The following ZNF274 variants were observed in gnomAD, a reference collection of about 807,000 sequenced individuals.
ZNF274 encodes the protein zinc finger protein 274, also known as neurotrophin receptor-interacting factor homolog.
In ZNF274, 23 loss-of-function variants were observed where a neutral mutation model predicts 42.5. The observed-to-expected ratio is 0.54, with a 90% CI of 0.39 to 0.77. ZNF274 has a LOEUF of 0.77. ZNF274 is among the 30% of genes least tolerant of loss of function. The pLI is 0.00. For missense variants in ZNF274, 679 were observed against 806.5 expected (o/e 0.84, Z 1.91); for synonymous variants, 292 against 305.4 (o/e 0.96, Z 0.46).
intron 4 of ZNF274, among the ~76,000 whole-genome samples, chr19:58,190,644 T>C (rs1176053988): frequency 1.3e-5 from 2 of 152,236 alleles, no homozygotes; most frequent in Non-Finnish European, 2.9e-5. Flanking sequence ...GTAGAAGTTT[T>C]GTAACGTGCT....
intron 2 of ZNF274, 37 bp downstream of exon 2, chr19:58,184,035 C>G: frequency 6.3e-7 from 1 of 1,576,922 alleles, no homozygotes; most frequent in Non-Finnish European, 8.6e-7. Flanking sequence ...GAGTCCGCTA[C>G]TGCACCTGGG....
intron 4 of ZNF274, among the ~76,000 whole-genome samples, chr19:58,191,631 G>C (rs887995456): frequency 5.9e-5 from 9 of 152,190 alleles, no homozygotes; most frequent in Non-Finnish European, 1.0e-4. Context: ...CACATCTTGG[G>C]AGAGCTGACT....
intron 4 of ZNF274, among the ~76,000 whole-genome samples, chr19:58,194,530 C>T (rs1464025072): frequency 1.3e-5 from 2 of 151,482 alleles, no homozygotes; most frequent in African/African-American, 4.9e-5. Context: ...AGGCACCTGC[C>T]ACCACACCTA....
intron 4 of ZNF274, among the ~76,000 whole-genome samples, chr19:58,206,155 T>G (rs912117963): frequency 6.6e-6 from 1 of 152,260 alleles, no homozygotes; most frequent in Non-Finnish European, 1.5e-5. Context: ...TTTTATATTC[T>G]GGACATTTCA....
intron 2 of ZNF274, among the ~76,000 whole-genome samples, chr19:58,185,127 A>G (rs981117205): frequency 2.0e-5 from 3 of 147,614 alleles, no homozygotes; most frequent in African/African-American, 7.5e-5. Context: ...CTCAAAAAAA[A>G]AAGAAAAGAA....
chr19:58,201,258 T>C (rs1342222947), intron 4 of ZNF274, among the ~76,000 whole-genome samples: 1 of 143,608 alleles, frequency 7.0e-6, no homozygotes, highest in Non-Finnish European at 1.5e-5. Flanking sequence ...GCGAACCACC[T>C]ACCTCAGCCT....
chr19:58,196,287 ACGG>A (rs2075841040), intron 4 of ZNF274, among the ~76,000 whole-genome samples: 1 of 152,238 alleles, frequency 6.6e-6, no homozygotes, highest in Non-Finnish European at 1.5e-5. Flanking sequence ...GAGGCCAGGC[ACGG>A]CGGCTCATGC....
chr19:58,206,839 G>T lies in ZNF274; in HGVS notation c.376G>T (p.Ala126Ser), dbSNP rs746573897. ...CCAGGAGGTGGCTGGTCCCCGGAAT[G>T]CCCAGATCCAGGCCCTATATGCTGA... ...LNQEVAGPRN[A>S]QIQALYAEDG... Residue 126 changes from alanine to serine, a missense_variant, in exon 5 of 8, where the codon GCC becomes TCC. Around this residue, in one of 2 missense-constraint regions of ZNF274, gnomAD observed 223 missense variants for 216.4 expected, o/e 1.03. Coordinates refer to ENST00000617501, the MANE Select transcript of ZNF274 (RefSeq NM_133502.3). 6.2e-7 allele frequency: 1 copy of T among 1,613,986 alleles called. No homozygotes were observed. Among genetic ancestry groups the T allele is most frequent in the South Asian group, 1.1e-5 (1 of 91,070 alleles).
chr19:58,207,184 T>G lies in ZNF274; in HGVS notation c.721T>G (p.Trp241Gly), dbSNP rs1348643334. 1.9e-6 allele frequency: 3 copies of G among 1,611,598 alleles called. No homozygotes were observed. In the South Asian group the frequency reaches 3.3e-5, roughly 18 times the overall value. ...GGTGGCCCTGGTAGAGGGTGTGACC[T>G]GGATGTCTGAGGAGGAAGGTAAGTA... ...EVVALVEGVT[W>G]MSEEEVLPAG... is the part of the protein sequence containing the mutation. Residue 241 changes from tryptophan to glycine, a missense_variant, in exon 5 of 8, where the codon TGG becomes GGG. By Grantham distance (184) the Trp-to-Gly change is radical (BLOSUM62 -2). Coordinates refer to ENST00000617501, the MANE Select transcript of ZNF274 (RefSeq NM_133502.3). This position sits in a 1 kb window ranked among gnomAD's most constrained non-coding sequence, Gnocchi z 5.6.
chr19:58,188,694 GTATATATATATATA>G (rs71925177), intron 4 of ZNF274, among the ~76,000 whole-genome samples: 30 of 74,658 alleles, frequency 4.0e-4, no homozygotes, highest in African/African-American at 8.1e-4. Flanking sequence ...ATATGTATAT[GTATATATATATATA>G]TATATATATA....
rs750555731 is a variant in ZNF274, at chr19:58,213,135, A to C, written c.1954A>C (p.Thr652Pro). ...NRTKRKKKQP[T>P]S ...GACAAAGCGAAAGAAGAAACAGCCTACCTCATAGCTCTCAAGCCAGTTGAA... is the reference window on the plus strand; with the variant it reads ...GACAAAGCGAAAGAAGAAACAGCCTCCCTCATAGCTCTCAAGCCAGTTGAA... The change falls in exon 8 of 8, where the codon ACC (threonine) becomes CCC (proline). Residue 652 changes from threonine to proline, a missense_variant. Physicochemically the swap from Thr to Pro is conservative, Grantham distance 38. Transcript: ENST00000617501. 1 of 1,607,404 alleles carries C rather than the reference A, an allele frequency of 6.2e-7. No homozygotes were observed. Among genetic ancestry groups the C allele is most frequent in the Non-Finnish European group, 8.5e-7 (1 of 1,175,820 alleles).
intron 4 of ZNF274, among the ~76,000 whole-genome samples, chr19:58,206,491 A>G (rs1310084787): frequency 1.3e-5 from 2 of 152,164 alleles, no homozygotes; most frequent in African/African-American, 2.4e-5. Flanking sequence ...GGATTTACCA[A>G]CCTGTTTTGC....
Position 58,186,999 on chromosome 19 carries a change from T to C in ZNF274, c.213T>C (p.Asp71=), listed in dbSNP as rs1229963884. The change falls in exon 4 of 8, where the codon GAT becomes GAC. Residue 71 remains aspartate, a synonymous_variant. Transcript: ENST00000617501. ...DVVSQLEEAE[D]FWPVERGIPQ... is the part of the protein sequence containing the mutation. ...TATCTCAGTTAGAGGAGGCAGAAGA[T>C]TTCTGGCCAGTGGAGAGAGGAATTC... The C allele has an allele frequency of 6.2e-7, 1 of 1,613,572 alleles. No individual in the cohort carries two copies. The highest frequency in any genetic ancestry group is 1.1e-5 in the South Asian group (1 of 90,920).
intron 1 of ZNF274, 27 bp from the exon 2 acceptor site, chr19:58,183,894 C>G: frequency 6.6e-7 from 1 of 1,508,826 alleles, no homozygotes; most frequent in Non-Finnish European, 9.0e-7. Flanking sequence ...AAGCCTCTCC[C>G]TCCCCTCCCA....
rs775224931 is a variant in ZNF274, at chr19:58,207,222, G to C, written c.739+20G>C. On this transcript the variant is annotated intron_variant, in intron 5 of 7. Coordinates refer to ENST00000617501, the MANE Select transcript of ZNF274 (RefSeq NM_133502.3). The surrounding 1 kb of genome is among the most constrained non-coding windows in gnomAD (Gnocchi z 5.6). ...AGGAAGGTAAGTAGAAGGGTGGGTA[G>C]AGGGACAGCTTAATGAGGGTGTCTT... 14 of 1,595,564 alleles carry C rather than the reference G, an allele frequency of 8.8e-6. No individual in the cohort carries two copies. The highest frequency in any genetic ancestry group is 1.2e-5 in the Non-Finnish European group (14 of 1,170,144).
chr19:58,186,847 C>A, intron 3 of ZNF274, 100 bp from the exon 4 acceptor site: 1 of 992,044 alleles, frequency 1.0e-6, no homozygotes, highest in Non-Finnish European at 1.5e-6. Context: ...AGTCATGTGC[C>A]TTAGCAGGGG....
At chr19:58,201,599 C>T (rs1158772029) in intron 4 of ZNF274, among the ~76,000 whole-genome samples, 1 of 151,816 alleles carries the variant, frequency 6.6e-6, no homozygotes, top group African/African-American at 2.4e-5. Context: ...TCACTGTAAC[C>T]TCCACCTCCT....
At chr19:58,194,757 C>CA (rs1210344766) in intron 4 of ZNF274, among the ~76,000 whole-genome samples, 1 of 151,394 alleles carries the variant, frequency 6.6e-6, no homozygotes, top group African/African-American at 2.4e-5. Context: ...TCTATAATGC[C>CA]AGCACTTTGG....
chr19:58,213,097 G>A lies in ZNF274; in HGVS notation c.1916G>A (p.Arg639Lys). The change falls in exon 8 of 8, where the codon AGA (arginine) becomes AAA (lysine). Residue 639 changes from arginine to lysine, a missense_variant. Coordinates refer to ENST00000617501, the MANE Select transcript of ZNF274 (RefSeq NM_133502.3). ...TQSSHLIGHQRTHNRTKRKKK... is the reference protein window; with the variant it reads ...TQSSHLIGHQKTHNRTKRKKK... ...AGCTCACACCTTATTGGGCACCAGA[G>A]AACCCACAATAGGACAAAGCGAAAG... 6.2e-7 allele frequency: 1 copy of A among 1,613,996 alleles called. No individual in the cohort carries two copies. Among genetic ancestry groups the A allele is most frequent in the Non-Finnish European group, 8.5e-7 (1 of 1,179,916 alleles).
Sources: allele counts gnomAD v4.1 joint callset (sites outside exome capture counted in the v4.1 genomes callset), GRCh38; gene constraint gnomAD v4.1.1; regional missense constraint gnomAD v4.1.1; non-coding constraint Gnocchi (gnomAD v3.1); transcripts MANE v1.5; gene names NCBI Gene and HGNC (gene_info 2026-07-23, HGNC 2026-07-21).